Variants in GAREM2 observed in about 807,000 individuals in gnomAD.
The protein encoded by GAREM2 is GRB2-associated and regulator of MAPK protein 2.
GAREM2 carries 30 observed loss-of-function variants against 55.6 expected under a neutral mutation model. The observed-to-expected ratio is 0.54, with a 90% CI of 0.40 to 0.73. GAREM2 has a LOEUF of 0.73. Ranked by LOEUF, GAREM2 falls within the 30% of genes least tolerant of loss-of-function variation. The pLI, the probability that GAREM2 is intolerant of heterozygous loss-of-function variation, is 0.00. For missense variants in GAREM2, 1,075 were observed against 1,257.7 expected, an observed-to-expected ratio of 0.85 and a Z score of 2.20; for synonymous variants, 550 against 569.1, an observed-to-expected ratio of 0.97 and a Z score of 0.48.
At chr2:26,174,561 T>G (rs930718232) in intron 1 of GAREM2, among the ~76,000 whole-genome samples, 6 of 152,232 alleles carry the variant, frequency 3.9e-5, no homozygotes, top group Admixed American at 3.9e-4. Flanking sequence ...TTTATTGTCT[T>G]TAGACCTGGC....
chr2:26,184,784 G>C lies in GAREM2; in HGVS notation c.936G>C (p.Pro312=), dbSNP rs746879943. 5.3e-6 allele frequency: 8 copies of C among 1,500,312 alleles called. No individual in the cohort carries two copies. In the South Asian group the frequency reaches 7.5e-5, roughly 14 times the overall value. The allele number at this position is 1,500,312 out of a possible 1,614,324, so 92.9% of individuals were successfully genotyped here. The change falls in exon 4 of 6, where the codon CCG becomes CCC. Residue 312 remains proline, a synonymous_variant. Transcript: ENST00000401533. Reference sequence around the variant, plus strand: ...CGCTGCGCCGCGAGGGCCCGGCGCCGCTGCACTTCCTGCTGCTCACGGACA... The same window carrying C: ...CGCTGCGCCGCGAGGGCCCGGCGCCCCTGCACTTCCTGCTGCTCACGGACA... The part of the protein sequence containing the change: ...GLALRREGPA[P]LHFLLLTDTP...
chr2:26,196,217 C>T, the GAREM2 span, among the ~76,000 whole-genome samples: 4 of 152,152 alleles, frequency 2.6e-5, no homozygotes, highest in Non-Finnish European at 5.9e-5. Flanking sequence ...GGGTGGGATT[C>T]CATCACAGGT....
Position 26,184,462 on chromosome 2 carries a change from G to A in GAREM2, c.614G>A (p.Gly205Asp), listed in dbSNP as rs1327898048. 6 of 1,500,938 alleles carry A rather than the reference G, an allele frequency of 4.0e-6. No individual in the cohort carries two copies. Among genetic ancestry groups the A allele is most frequent in the Middle Eastern group, 1.7e-4 (1 of 5,866 alleles). The allele number at this position is 1,500,938 out of a possible 1,614,324, so 93.0% of individuals were successfully genotyped here. Residue 205 changes from glycine (G) to aspartate (D), a missense_variant, in exon 4 of 6, where the codon GGC becomes GAC. This residue lies in a region of GAREM2 where 230 missense variants were observed against 310.6 expected (regional missense o/e 0.74). Coordinates refer to ENST00000401533, the MANE Select transcript of GAREM2 (RefSeq NM_001168241.2). ...GCCGCGGGAGGCACTGGCGGCGGGGGCGCCAGGCCGGTCAAAGGCAAGATG... is the reference window on the plus strand; with the variant it reads ...GCCGCGGGAGGCACTGGCGGCGGGGACGCCAGGCCGGTCAAAGGCAAGATG... ...AGAAGGTGGG[G>D]ARPVKGKMPC...
At position 26,186,355 on chromosome 2, in the gene GAREM2, A is replaced by T; in HGVS notation, c.1595A>T (p.Asp532Val). 6.4e-7 allele frequency: 1 copy of T among 1,551,662 alleles called. No individual in the cohort carries two copies. Residue 532 changes from aspartate to valine, a missense_variant, in exon 5 of 6, where the codon GAT becomes GTT. By Grantham distance (152) the Asp-to-Val change is radical (BLOSUM62 -3). Coordinates refer to ENST00000401533, the MANE Select transcript of GAREM2 (RefSeq NM_001168241.2). The stretch of plus-strand genomic sequence containing the variant: ...TCCTACTACTCCTCTGGCCTCCAGG[A>T]TGGGTGAGTCCCTGCCTTCCCTTGG... ...SLSYYSSGLQ[D>V]GAGSRSGSGS... is the part of the protein sequence containing the mutation.
chr2:26,180,249 G>T (rs1173261623), intron 2 of GAREM2, among the ~76,000 whole-genome samples: 1 of 152,214 alleles, frequency 6.6e-6, no homozygotes, highest in African/African-American at 2.4e-5. Flanking sequence ...TGCACCATGG[G>T]TGTCTTCATC....
At chr2:26,196,234 A>G in the GAREM2 span, among the ~76,000 whole-genome samples, 3 of 152,192 alleles carry the variant, frequency 2.0e-5, no homozygotes, top group East Asian at 1.9e-4. Context: ...AGGTCTGTCT[A>G]TCTCCAATGC....
rs768784560 is a variant in GAREM2, at chr2:26,184,805, G to C, written c.957G>C (p.Thr319=). ...GPAPLHFLLL[T]DTPRFALPQG... is the part of the protein sequence containing the mutation. ...CGCCGCTGCACTTCCTGCTGCTCACGGACACGCCGCGCTTCGCGCTGCCGC... is the reference window on the plus strand; with the variant it reads ...CGCCGCTGCACTTCCTGCTGCTCACCGACACGCCGCGCTTCGCGCTGCCGC... Residue 319 remains threonine (T), a synonymous_variant, in exon 4 of 6, where the codon ACG becomes ACC. Transcript: ENST00000401533. 147 of 1,492,024 alleles carry C rather than the reference G, an allele frequency of 9.9e-5. No individual in the cohort carries two copies. Among genetic ancestry groups the C allele is most frequent in the Middle Eastern group, 3.4e-4 (2 of 5,856 alleles). 92.4% of individuals were successfully genotyped at this position (1,492,024 alleles called of 1,614,324 possible).
In GAREM2 at chr2:26,185,221, C is replaced by T. The variant is rs920851960; in HGVS notation, c.1373C>T (p.Pro458Leu). Residue 458 changes from proline to leucine, a missense_variant, in exon 4 of 6, where the codon CCG (proline) becomes CTG (leucine). This residue lies in a region of GAREM2 where 515 missense variants were observed against 501.5 expected (regional missense o/e 1.03). Coordinates refer to ENST00000401533, the MANE Select transcript of GAREM2 (RefSeq NM_001168241.2). ...LDLISFGAAG[P>L]PRREPEAPPP... Reference sequence around the variant, plus strand: ...CTCATCTCCTTCGGGGCCGCGGGACCGCCGCGTCGGGAGCCGGAAGCGCCG... The same window carrying T: ...CTCATCTCCTTCGGGGCCGCGGGACTGCCGCGTCGGGAGCCGGAAGCGCCG... 1 of 1,521,640 alleles carries T rather than the reference C, an allele frequency of 6.6e-7. No homozygotes were observed. The highest frequency in any genetic ancestry group is 1.2e-5 in the South Asian group (1 of 83,388). 94.3% of individuals were successfully genotyped at this position (1,521,640 alleles called of 1,614,324 possible). A position where few individuals can be genotyped will look rare whatever the true frequency, so the allele number is the denominator to read the frequency against.
chr2:26,184,694 G>T lies in GAREM2; in HGVS notation c.846G>T (p.Pro282=), dbSNP rs1264686299. The change falls in exon 4 of 6, where the codon CCG becomes CCT. Residue 282 remains proline (P), a synonymous_variant. Transcript: ENST00000401533. The stretch of plus-strand genomic sequence containing the variant: ...CGCGCAACCCCTACGACCTGCACCC[G>T]GTGCGGGAGGGTCATTGCTACAAGC... The part of the protein sequence containing the change: ...RPPRNPYDLH[P]VREGHCYKLV... 4 of 1,540,388 alleles carry T rather than the reference G, an allele frequency of 2.6e-6. No individual in the cohort carries two copies. The highest frequency in any genetic ancestry group is 3.5e-6 in the Non-Finnish European group (4 of 1,143,768).
Position 26,186,268 on chromosome 2 carries a change from GC to G in GAREM2, c.1514del (p.Pro505ArgfsTer87), listed in dbSNP as rs1669251131. The G allele has an allele frequency of 1.3e-6, 2 of 1,550,294 alleles. No homozygotes were observed. Among genetic ancestry groups the G allele is most frequent in the Admixed American group, 2.0e-5 (1 of 50,868 alleles). ...GGNGSGRLSS[S>X]PPVPPRFPKL... The stretch of plus-strand genomic sequence containing the variant: ...AATGGCAGCGGCCGGCTCTCCAGCA[GC>G]CCCCCGGTTCCCCCTCGCTTCCCCA... On this transcript the variant is annotated frameshift_variant, in exon 5 of 6. Transcript: ENST00000401533. LOFTEE classifies it high-confidence loss of function.
intron 5 of GAREM2, among the ~76,000 whole-genome samples, chr2:26,186,868 G>A (rs1284146576): frequency 2.6e-5 from 4 of 152,178 alleles, no homozygotes; most frequent in Admixed American, 6.5e-5. Flanking sequence ...CCAGCTACTC[G>A]GGAAGCTGAG....
At chr2:26,197,883 C>A in the GAREM2 span, 8 of 746,162 alleles carry the variant, frequency 1.1e-5, no homozygotes, top group Admixed American at 9.2e-5. Context: ...CTCTGTCCCC[C>A]ACAACTGCTC....
Position 26,184,843 on chromosome 2 carries a change from C to T in GAREM2, c.995C>T (p.Ala332Val). The change falls in exon 4 of 6, where the codon GCC (alanine) becomes GTC (valine). Residue 332 changes from alanine (A) to valine (V), a missense_variant. Ala to Val is a moderately conservative substitution (Grantham distance 64, BLOSUM62 0). Transcript: ENST00000401533. ...PRFALPQGLL[A>V]GDPRVERLVR... is the part of the protein sequence containing the mutation. ...TTCGCGCTGCCGCAGGGCCTGCTGG[C>T]CGGGGACCCGCGCGTCGAGCGCCTG... is the stretch of plus-strand genomic sequence containing the variant. 1.4e-6 allele frequency: 2 copies of T among 1,475,308 alleles called. No individual in the cohort carries two copies. The allele number at this position is 1,475,308 out of a possible 1,614,324, so 91.4% of individuals were successfully genotyped here.
At chr2:26,196,044 C>A in the GAREM2 span, among the ~76,000 whole-genome samples, 1 of 152,192 alleles carries the variant, frequency 6.6e-6, no homozygotes, top group South Asian at 2.1e-4. Flanking sequence ...CAAGTGATAT[C>A]TGTAATTTTT....
downstream of GAREM2, chr2:26,191,598 C>T (rs765104107): frequency 6.2e-7 from 1 of 1,614,128 alleles, no homozygotes; most frequent in Non-Finnish European, 8.5e-7. Flanking sequence ...ATCTTGTCAC[C>T]AGGCGGAACT....
chr2:26,186,523 G>C (rs1669264989), intron 5 of GAREM2, among the ~76,000 whole-genome samples, 165 bp downstream of exon 5: 1 of 152,158 alleles, frequency 6.6e-6, no homozygotes, highest in African/African-American at 2.4e-5. Flanking sequence ...CTGCTGTCTG[G>C]GTGTCTTGGG....
At position 26,189,560 on chromosome 2, in the gene GAREM2, G is replaced by A. The variant is rs1241894833; in HGVS notation, c.*1303G>A. The A allele has an allele frequency of 6.6e-6, 1 of 152,240 alleles. No homozygotes were observed. Among genetic ancestry groups the A allele is most frequent in the Non-Finnish European group, 1.5e-5 (1 of 68,042 alleles). The allele number at this position is 152,240 out of a possible 1,614,324, so 9.4% of individuals were successfully genotyped here. A position where few individuals can be genotyped will look rare whatever the true frequency, so the allele number is the denominator to read the frequency against. On this transcript the variant is annotated 3_prime_UTR_variant, in exon 6 of 6. Coordinates refer to ENST00000401533, the MANE Select transcript of GAREM2 (RefSeq NM_001168241.2). ...AGAAGTGGTCAGAGAGTAGAGCACA[G>A]AACCTGTGATGTGGGGACATTTGGT...
At chr2:26,193,779 A>G (rs1437188042), downstream of GAREM2, 1 of 1,613,310 alleles carries the variant, frequency 6.2e-7, no homozygotes, top group African/African-American at 1.3e-5. Flanking sequence ...CTTCCTGAAC[A>G]GGAAGCGATG....
chr2:26,178,889 A>AGGCGGAGGCGGAGGCGGAGGC (rs59398334), intron 2 of GAREM2, among the ~76,000 whole-genome samples: 4,607 of 149,808 alleles, frequency 0.031, 215 homozygotes, highest in African/African-American at 0.097. Context: ...GGAGGGGAGG[A>AGGCGGAGGCGGAGGCGGAGGC]GGAGGCGGAG....
Sources: gnomAD v4.1 joint callset for allele counts (sites outside exome capture counted in the v4.1 genomes callset) on GRCh38, gnomAD v4.1.1 for gene constraint, gnomAD v4.1.1 regional missense constraint, MANE v1.5 for transcripts, NCBI Gene and HGNC (gene_info 2026-07-23, HGNC 2026-07-21) for gene names.